NRG1: variants seen among roughly 807,000 people sequenced by gnomAD.
The protein encoded by NRG1 is neuregulin 1.
A neutral mutation model predicts 63.8 loss-of-function variants in NRG1; 18 were observed. The ratio of observed to expected loss-of-function variants is 0.28; its 90% CI spans 0.19 to 0.42. The LOEUF (loss-of-function observed/expected upper bound fraction) is 0.42, where lower values mean the gene tolerates loss of function less well. NRG1 is among the 10% of genes least tolerant of loss of function. NRG1 has a pLI of 1.00. For synonymous variants in NRG1, 302 were observed against 301.3 expected, an observed-to-expected ratio of 1.00 and a Z score of -0.02; for missense variants, 762 against 814.7, an observed-to-expected ratio of 0.94 and a Z score of 0.79.
At chr8:32,341,481 A>T (rs1318053295) in intron 1 of NRG1, among the ~76,000 whole-genome samples, 1 of 152,100 alleles carries the variant, frequency 6.6e-6, no homozygotes, top group Non-Finnish European at 1.5e-5. Flanking sequence ...TCGCCTTGGG[A>T]TCTTCAGACT....
intron 1 of NRG1, among the ~76,000 whole-genome samples, chr8:32,044,527 T>C (rs1233827721): frequency 6.6e-6 from 1 of 151,754 alleles, no homozygotes; most frequent in Admixed American, 6.6e-5. Flanking sequence ...CGTGGAATAA[T>C]ATTACATTTA....
At chr8:31,763,703 C>A (rs1029491532) in intron 1 of NRG1, among the ~76,000 whole-genome samples, 1 of 152,222 alleles carries the variant, frequency 6.6e-6, no homozygotes, top group Non-Finnish European at 1.5e-5. Flanking sequence ...GTGATCCCAG[C>A]ACCTTGGGAG....
chr8:32,390,544 AGTGAGCC>A (rs1811599301), intron 1 of NRG1, among the ~76,000 whole-genome samples: 1 of 150,120 alleles, frequency 6.7e-6, no homozygotes, highest in South Asian at 2.1e-4. Context: ...TCAAGACTTC[AGTGAGCC>A]GTGATCATGC....
intron 1 of NRG1, among the ~76,000 whole-genome samples, chr8:31,899,330 C>T (rs1283866378): frequency 1.3e-5 from 2 of 151,962 alleles, no homozygotes; most frequent in Non-Finnish European, 2.9e-5. Context: ...TCCCAACTGC[C>T]CTTTTCAGCC....
chr8:31,856,750 A>G (rs888288108), intron 1 of NRG1, among the ~76,000 whole-genome samples: 28 of 151,912 alleles, frequency 1.8e-4, no homozygotes, highest in Admixed American at 1.1e-3. Flanking sequence ...GGTTTTATCT[A>G]CTTTTGGTCT....
At chr8:32,602,005 C>T (rs536021794) in intron 2 of NRG1, among the ~76,000 whole-genome samples, 66 of 152,208 alleles carry the variant, frequency 4.3e-4, no homozygotes, top group African/African-American at 1.4e-3. Flanking sequence ...ATTTATGTCA[C>T]CAGTTTTCGT....
intron 1 of NRG1, among the ~76,000 whole-genome samples, chr8:32,478,389 T>C (rs1415947824): frequency 2.0e-5 from 3 of 152,228 alleles, no homozygotes; most frequent in Non-Finnish European, 2.9e-5. Context: ...CCACCCTACA[T>C]TCAAATGTTT....
intron 1 of NRG1, among the ~76,000 whole-genome samples, chr8:31,856,925 G>A (rs150835359): frequency 0.031 from 4,770 of 152,098 alleles, 238 homozygotes; most frequent in African/African-American, 0.11. Flanking sequence ...TAGGCTGCTC[G>A]GGGGTCAGGT....
intron 1 of NRG1, among the ~76,000 whole-genome samples, chr8:31,865,826 T>G (rs1828907780): frequency 6.6e-6 from 1 of 152,186 alleles, no homozygotes; most frequent in Non-Finnish European, 1.5e-5. Context: ...TGTAAGAAAC[T>G]TGGAAAAATG....
intron 1 of NRG1, among the ~76,000 whole-genome samples, chr8:31,701,252 A>G (rs768797977): frequency 1.3e-5 from 2 of 152,160 alleles, no homozygotes; most frequent in African/African-American, 2.4e-5. Flanking sequence ...CAGCACAGTC[A>G]TCAAAGAAGC....
intron 1 of NRG1, among the ~76,000 whole-genome samples, chr8:31,936,974 C>T (rs1043425988): frequency 2.0e-5 from 3 of 152,182 alleles, no homozygotes; most frequent in Non-Finnish European, 4.4e-5. Flanking sequence ...GTTTAAATGA[C>T]TTTTAAAAGT....
At chr8:32,421,424 C>G (rs1325381396) in intron 1 of NRG1, among the ~76,000 whole-genome samples, 6 of 152,166 alleles carry the variant, frequency 3.9e-5, no homozygotes. Context: ...TGGAGCTTCT[C>G]TCTTTCAAAT....
At chr8:32,730,752 A>G (rs1823446491) in intron 6 of NRG1, among the ~76,000 whole-genome samples, 1 of 152,200 alleles carries the variant, frequency 6.6e-6, no homozygotes, top group African/African-American at 2.4e-5. Flanking sequence ...TCTGATCAAA[A>G]TAGAAAATGC....
intron 1 of NRG1, among the ~76,000 whole-genome samples, chr8:31,816,378 A>G (rs758695821): frequency 2.0e-5 from 3 of 152,186 alleles, no homozygotes; most frequent in Non-Finnish European, 4.4e-5. Context: ...GAATTCCAGC[A>G]TGATTCTTAC....
chr8:32,469,917 G>T (rs1195580120), intron 1 of NRG1, among the ~76,000 whole-genome samples: 1 of 152,184 alleles, frequency 6.6e-6, no homozygotes, highest in Non-Finnish European at 1.5e-5. Context: ...GACTGCAGTG[G>T]TGCGTTCTCG....
chr8:32,576,771 AT>A (rs1839717366), intron 1 of NRG1, among the ~76,000 whole-genome samples: 1 of 151,700 alleles, frequency 6.6e-6, no homozygotes, highest in Non-Finnish European at 1.5e-5. Flanking sequence ...TTTTAAAAAA[AT>A]AATTTCGACT....
At chr8:32,158,055 A>G (rs554309056) in intron 1 of NRG1, among the ~76,000 whole-genome samples, 1 of 152,278 alleles carries the variant, frequency 6.6e-6, no homozygotes, top group Admixed American at 6.5e-5. Flanking sequence ...ATTTGCCCAG[A>G]GAGAGGCCTC....
rs368731988 is a variant in NRG1 at position 32,596,562 on chromosome 8, C to T, written c.278+557C>T. Among the ~76,000 whole-genome samples, 254 of 149,248 alleles carry T rather than the reference C, an allele frequency of 1.7e-3. 2 individuals carry two copies. The highest frequency in any genetic ancestry group is 5.7e-3 in the African/African-American group (231 of 40,560). On this transcript the variant is annotated intron_variant, in intron 2 of 11. Transcript: ENST00000356819. Reference sequence around the variant, plus strand: ...TTGCAGTAAGCCAAGAGCACGCCACCGCACTCCAGCCTGGGCAACAGAGCG... The same window carrying T: ...TTGCAGTAAGCCAAGAGCACGCCACTGCACTCCAGCCTGGGCAACAGAGCG...
intron 1 of NRG1, among the ~76,000 whole-genome samples, chr8:32,445,421 C>T (rs1293167311): frequency 6.6e-6 from 1 of 152,194 alleles, no homozygotes; most frequent in Non-Finnish European, 1.5e-5. Context: ...AGCACACTAT[C>T]TGTCCACAAG....
Sources: allele counts gnomAD v4.1 joint callset (sites outside exome capture counted in the v4.1 genomes callset), GRCh38; gene constraint gnomAD v4.1.1; transcripts MANE v1.5; gene names NCBI Gene and HGNC (gene_info 2026-07-23, HGNC 2026-07-21).